Variants in DDRGK1 observed in about 807,000 individuals in gnomAD.
DDRGK1 encodes the protein DDRGK domain containing 1, also known as DDRGK domain-containing protein 1.
A neutral mutation model predicts 45.8 loss-of-function variants in DDRGK1; 38 were observed. The ratio of observed to expected loss-of-function variants is 0.83; its 90% CI spans 0.64 to 1.09. The LOEUF (loss-of-function observed/expected upper bound fraction) is 1.09. Among genes scored for constraint, DDRGK1 ranks in the 50% least tolerant of loss-of-function variants. DDRGK1 has a pLI of 0.00. For missense variants in DDRGK1, 403 were observed against 419.9 expected, an observed-to-expected ratio of 0.96 and a Z score of 0.35; for synonymous variants, 171 against 168.7, an observed-to-expected ratio of 1.01 and a Z score of -0.11.
chr20:3,203,540 C>T, intron 1 of DDRGK1, 124 bp from the exon 2 acceptor site: 1 of 1,311,220 alleles, frequency 7.6e-7, no homozygotes, highest in Non-Finnish European at 1.0e-6. Context: ...CACAAGGCCC[C>T]GACTTCTCAG....
rs370011634 is a variant in DDRGK1 at position 3,197,747 on chromosome 20, C to T, written c.510+2254G>A. Among the ~76,000 whole-genome samples, 18 of 151,252 alleles carry T rather than the reference C, an allele frequency of 1.2e-4. No individual in the cohort carries two copies. The East Asian group carries it at 2.6e-3, about 21-fold the overall frequency. On this transcript the variant is annotated intron_variant, in intron 4 of 8. Coordinates refer to ENST00000354488, the MANE Select transcript of DDRGK1 (RefSeq NM_023935.3). The stretch of plus-strand genomic sequence containing the variant: ...GAGTTCAAGACCAGCCTGGCCAATA[C>T]GGTGAAACCCCGCCTCTACCAAAAA...
At chr20:3,197,617 C>A (rs1343303948) in intron 4 of DDRGK1, among the ~76,000 whole-genome samples, 1 of 152,148 alleles carries the variant, frequency 6.6e-6, no homozygotes, top group Non-Finnish European at 1.5e-5. Flanking sequence ...CTTCTACAAA[C>A]TACTTGCCCA....
rs1555770391 is a variant in DDRGK1, at chr20:3,191,242, T to C, written c.730-4A>G. On this transcript the variant is annotated splice_polypyrimidine_tract_variant and splice_region_variant and intron_variant, in intron 7 of 8. Coordinates refer to ENST00000354488, the MANE Select transcript of DDRGK1 (RefSeq NM_023935.3). ...CCTGGATGCGATTTATGGTGTCCTA[T>C]GAGGAGAACAACTCTCAGAATAGAG... 1 of 1,614,182 alleles carries C rather than the reference T, an allele frequency of 6.2e-7. No homozygotes were observed. Among genetic ancestry groups the C allele is most frequent in the Non-Finnish European group, 8.5e-7 (1 of 1,180,006 alleles).
Position 3,190,729 on chromosome 20 carries a change from G to C in DDRGK1, c.869C>G (p.Ser290Cys). The change falls in exon 9 of 9, where the codon TCC (serine) becomes TGC (cysteine). Residue 290 changes from serine to cysteine, a missense_variant. Ser to Cys is a moderately radical substitution (Grantham distance 112, BLOSUM62 -1). Transcript: ENST00000354488. ...ANFIRQRGRV[S>C]IAELAQASNS... The stretch of plus-strand genomic sequence containing the variant: ...GCTGGCTTGGGCAAGCTCGGCGATG[G>C]ACACCCGGCCCCGCTGTCGGATGAA... 6.2e-7 allele frequency: 1 copy of C among 1,614,116 alleles called. No homozygotes were observed. The highest frequency in any genetic ancestry group is 1.1e-5 in the South Asian group (1 of 91,068).
At chr20:3,198,700 CAAAAAAAAA>C (rs151197280) in intron 4 of DDRGK1, among the ~76,000 whole-genome samples, 5 of 41,578 alleles carry the variant, frequency 1.2e-4, no homozygotes, top group Non-Finnish European at 2.2e-4. Context: ...AACTCCGTTT[CAAAAAAAAA>C]AAAAAAAAAA....
At chr20:3,199,794 G>A (rs143860755) in intron 4 of DDRGK1, among the ~76,000 whole-genome samples, 4 of 152,226 alleles carry the variant, frequency 2.6e-5, no homozygotes, top group East Asian at 1.9e-4. Context: ...CAATAGTCAC[G>A]TGCACAAAAA....
chr20:3,203,487 C>T lies in DDRGK1; in HGVS notation c.92-71G>A, dbSNP rs552996645. On this transcript the variant is annotated intron_variant, in intron 1 of 8. Transcript: ENST00000354488. ...GGCCCATGGCAGGAGGAGCGGCAGCCCGGAAGCCTCACCTCCTCTGCTTAG... is the reference window on the plus strand; with the variant it reads ...GGCCCATGGCAGGAGGAGCGGCAGCTCGGAAGCCTCACCTCCTCTGCTTAG... The T allele has an allele frequency of 2.1e-6, 3 of 1,439,744 alleles. No individual in the cohort carries two copies. In the African/African-American group the frequency reaches 4.3e-5, roughly 21 times the overall value. The allele number at this position is 1,439,744 out of a possible 1,614,324, so 89.2% of individuals were successfully genotyped here.
intron 4 of DDRGK1, among the ~76,000 whole-genome samples, chr20:3,195,699 C>T (rs1003364184): frequency 1.3e-5 from 2 of 152,076 alleles, no homozygotes; most frequent in African/African-American, 4.8e-5. Context: ...ACTCACCAAG[C>T]ATACCCCGTC....
intron 6 of DDRGK1, among the ~76,000 whole-genome samples, chr20:3,192,821 C>A (rs1415143801): frequency 6.6e-6 from 1 of 152,166 alleles, no homozygotes; most frequent in Non-Finnish European, 1.5e-5. Context: ...CATGGTGACA[C>A]CTCCCTGACT....
At chr20:3,204,504 T>A (rs1354717678) in intron 1 of DDRGK1, 33 bp downstream of exon 1, 31 of 1,537,962 alleles carry the variant, frequency 2.0e-5, no homozygotes, top group Non-Finnish European at 2.7e-5. Context: ...GAAAACCCGG[T>A]ACCACCAACC....
chr20:3,195,649 C>A (rs1390333691), intron 4 of DDRGK1, among the ~76,000 whole-genome samples: 1 of 152,064 alleles, frequency 6.6e-6, no homozygotes, highest in Non-Finnish European at 1.5e-5. Flanking sequence ...CCCCACTCTA[C>A]AATACCCTCC....
At chr20:3,203,152 G>A (rs2067048199) in intron 2 of DDRGK1, 61 bp downstream of exon 2, 1 of 1,423,526 alleles carries the variant, frequency 7.0e-7, no homozygotes, top group Non-Finnish European at 9.3e-7. Flanking sequence ...TTAGCTTTGG[G>A]GGCCCTTTTA....
In DDRGK1 at chr20:3,204,655, C is replaced by G; in HGVS notation, c.-28G>C. The G allele has an allele frequency of 6.4e-7, 1 of 1,555,758 alleles. No individual in the cohort carries two copies. Among genetic ancestry groups the G allele is most frequent in the Non-Finnish European group, 8.7e-7 (1 of 1,154,676 alleles). On this transcript the variant is annotated 5_prime_UTR_variant, in exon 1 of 9. Transcript: ENST00000354488. ...CGAGGGCCTCAGTGCAGAACCACTGCGTCCACCCTGAGGCCGGGATCTCAT... is the reference window on the plus strand; with the variant it reads ...CGAGGGCCTCAGTGCAGAACCACTGGGTCCACCCTGAGGCCGGGATCTCAT...
intron 4 of DDRGK1, among the ~76,000 whole-genome samples, chr20:3,197,640 A>T (rs901128220): frequency 2.6e-5 from 4 of 152,136 alleles, no homozygotes; most frequent in Admixed American, 1.3e-4. Context: ...ACTCCTCAAA[A>T]TTGTTAAGGC....
intron 4 of DDRGK1, among the ~76,000 whole-genome samples, chr20:3,197,759 G>A (rs565593963): frequency 1.3e-4 from 19 of 151,620 alleles, no homozygotes; most frequent in Admixed American, 7.2e-4. Flanking sequence ...GTGAAACCCC[G>A]CCTCTACCAA....
chr20:3,199,876 C>T, intron 4 of DDRGK1, 125 bp downstream of exon 4: 1 of 838,348 alleles, frequency 1.2e-6, no homozygotes, highest in Non-Finnish European at 1.8e-6. Flanking sequence ...CCAAATAAAC[C>T]AGGACCTGCC....
intron 4 of DDRGK1, among the ~76,000 whole-genome samples, chr20:3,195,734 T>C (rs1327718911): frequency 6.6e-6 from 1 of 152,052 alleles, no homozygotes; most frequent in Non-Finnish European, 1.5e-5. Flanking sequence ...TAAGCAAATG[T>C]GAACCCTGCA....
chr20:3,196,817 T>C (rs1000856079), intron 4 of DDRGK1, among the ~76,000 whole-genome samples: 11 of 152,114 alleles, frequency 7.2e-5, no homozygotes, highest in Admixed American at 7.2e-4. Flanking sequence ...AGGAGCCAAC[T>C]GAAAGGGCTC....
At position 3,203,291 on chromosome 20, in the gene DDRGK1, G is replaced by A. The variant is rs763019551; in HGVS notation, c.217C>T (p.Arg73Cys). The change falls in exon 2 of 9, where the codon CGC (arginine) becomes TGC (cysteine). Residue 73 changes from arginine (R) to cysteine (C), a missense_variant. Arg to Cys is a radical substitution (Grantham distance 180). Transcript: ENST00000354488. ...TGGGCTCGACGCTGGGCCTGTAGGC[G>A]GCTGCCCAGGTCCCTCCGGCGCCGA... ...RPRRRRDLGS[R>C]LQAQRRAQRV... The A allele has an allele frequency of 4.4e-6, 7 of 1,607,642 alleles. No homozygotes were observed. The highest frequency in any genetic ancestry group is 4.5e-5 in the East Asian group (2 of 44,708).
Sources: gnomAD v4.1 joint callset for allele counts (sites outside exome capture counted in the v4.1 genomes callset) on GRCh38, gnomAD v4.1.1 for gene constraint, MANE v1.5 for transcripts, NCBI Gene and HGNC (gene_info 2026-07-23, HGNC 2026-07-21) for gene names.